DYRK1A: variants seen among roughly 807,000 people sequenced by gnomAD.
DYRK1A encodes dual specificity tyrosine phosphorylation regulated kinase 1A.
Under a neutral mutation model 79.7 loss-of-function variants are expected in DYRK1A, and 9 were observed. The ratio of observed to expected loss-of-function variants is 0.11; its 90% CI spans 0.07 to 0.20. DYRK1A has a LOEUF of 0.20. Ranked by LOEUF, DYRK1A falls within the 10% of genes least tolerant of loss-of-function variation. The probability of loss-of-function intolerance (pLI) is 1.00; values close to 1 mark genes in which losing one functional copy is unlikely to be tolerated. For synonymous variants in DYRK1A, 349 were observed against 329.7 expected (o/e 1.06, Z -0.63); for missense variants, 622 against 956.0 (o/e 0.65, Z 4.61).
intron 2 of DYRK1A, among the ~76,000 whole-genome samples, chr21:37,428,012 A>G (rs936516644): frequency 1.3e-5 from 2 of 151,968 alleles, no homozygotes; most frequent in Admixed American, 1.3e-4. Context: ...AATTATTTAC[A>G]GGTATTAACT....
rs1183029117 is a variant in DYRK1A at position 37,479,606 on chromosome 21, G to GTTTTTTTTTTTTTTTTTTTTTT, written c.301-1027_301-1026insTTTTTTTTTTTTTTTTTTTTTT. ...GTGTTGGTGTTTTGTTTTTGTTTTTGTTTTTGTTTTTTGTTTTTTTTTTTT... is the reference window on the plus strand; with the variant it reads ...GTGTTGGTGTTTTGTTTTTGTTTTTGTTTTTTTTTTTTTTTTTTTTTTTTTTTGTTTTTTGTTTTTTTTTTTT... On this transcript the variant is annotated intron_variant, in intron 4 of 11. Coordinates refer to ENST00000647188, the MANE Select transcript of DYRK1A (RefSeq NM_001347721.2). Among the ~76,000 whole-genome samples, 41 of 27,596 alleles carry GTTTTTTTTTTTTTTTTTTTTTT rather than the reference G, an allele frequency of 1.5e-3. 4 individuals are homozygous for GTTTTTTTTTTTTTTTTTTTTTT. Among genetic ancestry groups the GTTTTTTTTTTTTTTTTTTTTTT allele is most frequent in the East Asian group, 4.5e-3 (4 of 880 alleles). The allele number at this position is 27,596 out of a possible 152,430, so 18.1% of individuals were successfully genotyped here.
At chr21:37,440,153 T>TTTTTTTTTTTTA (rs61289767) in intron 2 of DYRK1A, among the ~76,000 whole-genome samples, 1 of 122,050 alleles carries the variant, frequency 8.2e-6, no homozygotes, top group African/African-American at 3.1e-5. Flanking sequence ...TTTTTTTTTT[T>TTTTTTTTTTTTA]GAGACGGAGT....
rs528862652 is a variant in DYRK1A, at chr21:37,373,600, A to G, written c.-77+5972A>G. Among the ~76,000 whole-genome samples the G allele has an allele frequency of 5.3e-5, 8 of 152,212 alleles. No homozygotes were observed. The East Asian group carries it at 5.8e-4, about 11-fold the overall frequency. On this transcript the variant is annotated intron_variant, in intron 1 of 11. Transcript: ENST00000647188. Reference sequence around the variant, plus strand: ...GTCTTGTTGCTTTCCTGTGCTTACCATTTTCTTCATAGTACAAGGCAGTTT... The same window carrying G: ...GTCTTGTTGCTTTCCTGTGCTTACCGTTTTCTTCATAGTACAAGGCAGTTT...
At chr21:37,481,875 C>T (rs2052654861) in intron 5 of DYRK1A, among the ~76,000 whole-genome samples, 1 of 152,020 alleles carries the variant, frequency 6.6e-6, no homozygotes, top group Non-Finnish European at 1.5e-5. Context: ...AGGGGGATCT[C>T]TGGTTGTGGT....
In DYRK1A at chr21:37,512,000, A is replaced by C. The variant is rs2053763614; in HGVS notation, c.1734A>C (p.Thr578=). 1 of 1,614,054 alleles carries C rather than the reference A, an allele frequency of 6.2e-7. No individual in the cohort carries two copies. Residue 578 remains threonine, a synonymous_variant, in exon 12 of 12, where the codon ACA becomes ACC. Transcript: ENST00000647188. ...VTVETHPVQE[T]TFHVAPQQNA... is the part of the protein sequence containing the mutation. ...TTGAAACTCATCCTGTTCAAGAAACAACCTTTCATGTAGCCCCTCAACAGA... is the reference window on the plus strand; with the variant it reads ...TTGAAACTCATCCTGTTCAAGAAACCACCTTTCATGTAGCCCCTCAACAGA...
chr21:37,395,024 G>A (rs189176988), intron 1 of DYRK1A, among the ~76,000 whole-genome samples: 23 of 152,206 alleles, frequency 1.5e-4, no homozygotes, highest in African/African-American at 5.1e-4. Context: ...CTGTAGTTGC[G>A]TCCCCGCCCC....
chr21:37,386,271 C>T (rs944103063), intron 1 of DYRK1A, among the ~76,000 whole-genome samples: 2 of 152,104 alleles, frequency 1.3e-5, no homozygotes, highest in African/African-American at 2.4e-5. Context: ...AAATGTAGTG[C>T]GCTTGAATCA....
rs1395703050 is a variant in DYRK1A, at chr21:37,367,106, GGCGATTGTGCGC to G, written c.-594_-583del. 6.5e-6 allele frequency: 1 copy of G among 153,778 alleles called. No individual in the cohort carries two copies. The highest frequency in any genetic ancestry group is 1.4e-5 in the Non-Finnish European group (1 of 68,996). 9.5% of individuals were successfully genotyped at this position (153,778 alleles called of 1,614,324 possible). ...GTGTGTGCGAGGGAGCGTGTGCGAG[GGCGATTGTGCGC>G]GCGAGTGTGCGGGTGTGTGCGAGTG... On this transcript the variant is annotated 5_prime_UTR_variant, in exon 1 of 12. Coordinates refer to ENST00000647188, the MANE Select transcript of DYRK1A (RefSeq NM_001347721.2).
At chr21:37,407,761 G>A (rs1415907506) in intron 1 of DYRK1A, among the ~76,000 whole-genome samples, 1 of 152,184 alleles carries the variant, frequency 6.6e-6, no homozygotes, top group Admixed American at 6.6e-5. Context: ...ATGACTTTGG[G>A]TAGCAAGAAG....
At chr21:37,486,213 T>C in intron 5 of DYRK1A, 1 of 247,636 alleles carries the variant, frequency 4.0e-6, no homozygotes, top group Non-Finnish European at 7.6e-6. Flanking sequence ...ATTATCTATT[T>C]TGTGGATATT....
intron 11 of DYRK1A, among the ~76,000 whole-genome samples, chr21:37,511,237 A>G (rs7279607): frequency 0.56 from 84,805 of 151,950 alleles, 24,383 homozygotes; most frequent in African/African-American, 0.7. Flanking sequence ...ATTTGGGTTT[A>G]TTTTGTTTTT....
At chr21:37,392,881 G>T (rs1232998074) in intron 1 of DYRK1A, among the ~76,000 whole-genome samples, 1 of 152,200 alleles carries the variant, frequency 6.6e-6, no homozygotes, top group Non-Finnish European at 1.5e-5. Context: ...TTCCAAGATG[G>T]CGTTTCAAAC....
chr21:37,416,317 C>CTT (rs775621138), intron 1 of DYRK1A, among the ~76,000 whole-genome samples: 2,913 of 98,104 alleles, frequency 0.03, 124 homozygotes, highest in African/African-American at 0.092. Flanking sequence ...GTGTTTTGGC[C>CTT]TTTTTTTTTT....
rs553451091 is a variant in DYRK1A, at chr21:37,519,253, A to G, written c.*6722A>G. On this transcript the variant is annotated 3_prime_UTR_variant, in exon 12 of 12. Transcript: ENST00000647188. ...TGAAGGGTTTCCCAGGGCACCAGCC[A>G]CCAGCTCTGTATAGTAGTTACAGTT... The G allele has an allele frequency of 2.0e-5, 3 of 152,376 alleles. No homozygotes were observed. Among genetic ancestry groups the G allele is most frequent in the African/African-American group, 4.8e-5 (2 of 41,576 alleles). 9.4% of individuals were successfully genotyped at this position (152,376 alleles called of 1,614,324 possible).
intron 1 of DYRK1A, among the ~76,000 whole-genome samples, chr21:37,408,173 G>T (rs2050182410): frequency 6.6e-6 from 1 of 152,218 alleles, no homozygotes; most frequent in Non-Finnish European, 1.5e-5. Flanking sequence ...TGGTATGTTT[G>T]TAAGCTCTCT....
chr21:37,415,501 G>A (rs1475442151), intron 1 of DYRK1A: 1 of 152,030 alleles, frequency 6.6e-6, no homozygotes, highest in Non-Finnish European at 1.5e-5. Flanking sequence ...ATCTCACCCT[G>A]TTGCCCAGGC....
At chr21:37,455,900 G>A (rs1170855337) in intron 2 of DYRK1A, among the ~76,000 whole-genome samples, 4 of 152,094 alleles carry the variant, frequency 2.6e-5, no homozygotes, top group African/African-American at 9.7e-5. Context: ...TGCCCAAAGC[G>A]ACACAGAAGT....
intron 6 of DYRK1A, chr21:37,488,983 C>A: frequency 2.2e-6 from 1 of 446,440 alleles, no homozygotes; most frequent in East Asian, 1.6e-4. Flanking sequence ...TCGAGTTGTG[C>A]TGTAGACTCC....
intron 1 of DYRK1A, among the ~76,000 whole-genome samples, chr21:37,388,629 A>C (rs1302906134): frequency 6.6e-6 from 1 of 151,334 alleles, no homozygotes; most frequent in South Asian, 2.1e-4. Flanking sequence ...CTTGTTTGAC[A>C]AATCTTTTGA....
Sources: allele counts gnomAD v4.1 joint callset (sites outside exome capture counted in the v4.1 genomes callset), GRCh38; gene constraint gnomAD v4.1.1; transcripts MANE v1.5; gene names NCBI Gene and HGNC (gene_info 2026-07-23, HGNC 2026-07-21).